Variants in PCDH15 observed in about 807,000 individuals in gnomAD.
PCDH15 encodes the protein protocadherin related 15, also known as protocadherin-15.
A neutral mutation model predicts 178.5 loss-of-function variants in PCDH15; 129 were observed. The ratio of observed to expected loss-of-function variants is 0.72; its 90% CI spans 0.63 to 0.84. PCDH15 has a LOEUF of 0.84. Among genes scored for constraint, PCDH15 ranks in the 40% least tolerant of loss-of-function variants. The probability of loss-of-function intolerance (pLI) is 0.00; values close to 1 mark genes in which losing one functional copy is unlikely to be tolerated. For missense variants in PCDH15, 2,230 were observed against 2,099.9 expected (o/e 1.06, Z -1.21); for synonymous variants, 800 against 732.0 (o/e 1.09, Z -1.50).
intron 14 of PCDH15, among the ~76,000 whole-genome samples, chr10:54,144,627 C>T (rs2043731206): frequency 6.6e-6 from 1 of 152,152 alleles, no homozygotes; most frequent in Non-Finnish European, 1.5e-5. Context: ...TCAGCGGCAG[C>T]ACCCAATTAA....
intron 2 of PCDH15, among the ~76,000 whole-genome samples, chr10:54,954,368 C>T (rs963696479): frequency 6.6e-6 from 1 of 151,174 alleles, no homozygotes; most frequent in East Asian, 1.9e-4. Context: ...TATCTTCCTA[C>T]AGGTTAATAT....
chr10:54,297,331 C>A, intron 8 of PCDH15, among the ~76,000 whole-genome samples: 1 of 152,184 alleles, frequency 6.6e-6, no homozygotes, highest in East Asian at 1.9e-4. Context: ...CACTATGGCT[C>A]GGCCACAATA....
intron 2 of PCDH15, among the ~76,000 whole-genome samples, chr10:54,995,371 G>A (rs1839613344): frequency 7.6e-6 from 1 of 132,074 alleles, no homozygotes; most frequent in Non-Finnish European, 1.5e-5. Context: ...GCGAGACTAC[G>A]ACAGAGCGAG....
chr10:54,852,200 A>T (rs1953634044), intron 3 of PCDH15, among the ~76,000 whole-genome samples: 1 of 152,214 alleles, frequency 6.6e-6, no homozygotes, highest in South Asian at 2.1e-4. Flanking sequence ...ATCACAATGT[A>T]TGAATGAAAA....
chr10:54,534,262 A>G (rs2084244992), intron 2 of PCDH15, among the ~76,000 whole-genome samples: 2 of 152,180 alleles, frequency 1.3e-5, no homozygotes, highest in South Asian at 4.1e-4. Flanking sequence ...GTGAGGGCAG[A>G]TCTTAGTTAT....
At chr10:53,833,764 T>C (rs201974496) in intron 29 of PCDH15, among the ~76,000 whole-genome samples, 1 of 152,020 alleles carries the variant, frequency 6.6e-6, no homozygotes, top group East Asian at 1.9e-4. Context: ...CATTATCAGG[T>C]TGTATTTTAA....
chr10:54,179,185 T>C (rs1053419191), intron 13 of PCDH15, among the ~76,000 whole-genome samples: 17 of 151,958 alleles, frequency 1.1e-4, no homozygotes, highest in Admixed American at 7.9e-4. Context: ...CCAACAACGA[T>C]AGACTGGATT....
intron 2 of PCDH15, among the ~76,000 whole-genome samples, chr10:55,510,098 G>A (rs1175305303): frequency 6.6e-6 from 1 of 151,722 alleles, no homozygotes; most frequent in African/African-American, 2.4e-5. Flanking sequence ...TTTGTATTGT[G>A]GTCTGCTAGA....
chr10:54,584,987 T>G (rs2091346636), intron 2 of PCDH15, among the ~76,000 whole-genome samples: 1 of 152,132 alleles, frequency 6.6e-6, no homozygotes, highest in Non-Finnish European at 1.5e-5. Context: ...TTCAACCAAA[T>G]GGTAGGTTTG....
At chr10:55,086,510 C>T (rs556889594) in intron 2 of PCDH15, among the ~76,000 whole-genome samples, 1 of 152,078 alleles carries the variant, frequency 6.6e-6, no homozygotes, top group Admixed American at 6.6e-5. Flanking sequence ...AGCCTATGCC[C>T]CAGTCTATAG....
chr10:54,307,081 C>CACACAT (rs1243759589), intron 8 of PCDH15, among the ~76,000 whole-genome samples: 1 of 11,570 alleles, frequency 8.6e-5, no homozygotes, highest in African/African-American at 3.0e-4. Context: ...TATATATATA[C>CACACAT]ATATATATAT....
intron 2 of PCDH15, among the ~76,000 whole-genome samples, chr10:54,605,290 T>TA (rs2134149750): frequency 6.6e-6 from 1 of 152,232 alleles, no homozygotes; most frequent in South Asian, 2.1e-4. Context: ...GATTTCAACT[T>TA]AAAGTACTCC....
upstream of PCDH15, among the ~76,000 whole-genome samples, chr10:54,804,927 TTATA>T (rs71014419): frequency 3.8e-3 from 191 of 50,840 alleles, 20 homozygotes; most frequent in Admixed American, 0.012. Context: ...TCATAGTAGA[TTATA>T]TATATATATA....
chr10:54,974,061 A>T (rs977545918), intron 2 of PCDH15, among the ~76,000 whole-genome samples: 191 of 148,078 alleles, frequency 1.3e-3, no homozygotes, highest in African/African-American at 2.0e-4. Context: ...TCTCTCTCAC[A>T]CACACACACA....
rs2083508899 is a variant in PCDH15, at chr10:54,527,880, A to G, written c.92-3T>C. 6.2e-7 allele frequency: 1 copy of G among 1,609,414 alleles called. No individual in the cohort carries two copies. The highest frequency in any genetic ancestry group is 2.2e-5 in the East Asian group (1 of 44,792). On this transcript the variant is annotated splice_polypyrimidine_tract_variant and splice_region_variant and intron_variant, in intron 2 of 37. Coordinates refer to ENST00000644397, the MANE Select transcript of PCDH15 (RefSeq NM_001384140.1). ...TCCTCCCCTAGCTAGTTTGCAATCT[A>G]AAGAGAGAAAATAACCAAAAGTAAT...
chr10:54,316,558 ACACACACACACACAC>A (rs756881119), intron 8 of PCDH15, among the ~76,000 whole-genome samples: 1 of 116,434 alleles, frequency 8.6e-6, no homozygotes, highest in Non-Finnish European at 2.0e-5. Context: ...ACACACACAC[ACACACACACACACAC>A]ACAAATACAC....
intron 3 of PCDH15, among the ~76,000 whole-genome samples, chr10:54,456,934 T>C (rs1476272534): frequency 6.6e-6 from 1 of 152,244 alleles, no homozygotes; most frequent in South Asian, 2.1e-4. Flanking sequence ...TCTGACATGA[T>C]TGTAAGCTTC....
At chr10:54,104,503 G>T (rs1026848857) in intron 15 of PCDH15, among the ~76,000 whole-genome samples, 1 of 152,110 alleles carries the variant, frequency 6.6e-6, no homozygotes, top group East Asian at 1.9e-4. Context: ...AATCTTAGCA[G>T]ATTTGAGGCT....
chr10:54,637,802 T>C (rs2093896192), intron 2 of PCDH15, among the ~76,000 whole-genome samples: 1 of 152,052 alleles, frequency 6.6e-6, no homozygotes, highest in South Asian at 2.1e-4. Context: ...TATCCAGTGT[T>C]TTTAATGAGC....
Sources: allele counts gnomAD v4.1 joint callset (sites outside exome capture counted in the v4.1 genomes callset), GRCh38; gene constraint gnomAD v4.1.1; transcripts MANE v1.5; gene names NCBI Gene and HGNC (gene_info 2026-07-23, HGNC 2026-07-21).